The following ADAMTS18 variants were observed in gnomAD, a reference collection of about 807,000 sequenced individuals.
The protein encoded by ADAMTS18 is A disintegrin and metalloproteinase with thrombospondin motifs 18.
In ADAMTS18, 157 loss-of-function variants were observed where a neutral mutation model predicts 165.9. That is an observed-to-expected ratio of 0.95 (90% confidence interval 0.83 to 1.08). The LOEUF is 1.08. Among genes scored for constraint, ADAMTS18 ranks in the 50% least tolerant of loss-of-function variants. The probability of loss-of-function intolerance (pLI) is 0.00; values close to 1 mark genes in which losing one functional copy is unlikely to be tolerated. For synonymous variants in ADAMTS18, 782 were observed against 578.2 expected, an observed-to-expected ratio of 1.35 and a Z score of -5.06; for missense variants, 2,040 against 1,534.0, an observed-to-expected ratio of 1.33 and a Z score of -5.51.
chr16:77,386,633 C>T (rs942609984), intron 3 of ADAMTS18, among the ~76,000 whole-genome samples: 3 of 152,158 alleles, frequency 2.0e-5, no homozygotes, highest in Admixed American at 6.5e-5. Flanking sequence ...GAACATTTGA[C>T]TTTGTGACCC....
intron 16 of ADAMTS18, among the ~76,000 whole-genome samples, chr16:77,316,947 G>T (rs1046298905): frequency 6.6e-6 from 1 of 151,928 alleles, no homozygotes; most frequent in African/African-American, 2.4e-5. Context: ...GATTACAGGG[G>T]TGAGCCACCA....
chr16:77,319,719 A>G, intron 16 of ADAMTS18, 130 bp downstream of exon 16: 2 of 1,444,008 alleles, frequency 1.4e-6, no homozygotes, highest in Non-Finnish European at 1.9e-6. Context: ...CTGGGATTAC[A>G]GGCATGAGCC....
chr16:77,353,147 CA>C (rs1262557728), intron 10 of ADAMTS18, among the ~76,000 whole-genome samples: 36 of 152,144 alleles, frequency 2.4e-4, no homozygotes, highest in African/African-American at 8.4e-4. Context: ...GTAATACTGT[CA>C]GTAAAATGTC....
chr16:77,331,001 G>A (rs1174385371), intron 12 of ADAMTS18, among the ~76,000 whole-genome samples: 3 of 152,198 alleles, frequency 2.0e-5, no homozygotes, highest in Non-Finnish European at 4.4e-5. Flanking sequence ...GTTGTCTTGG[G>A]AGAGCCTATC....
At chr16:77,431,880 T>C in intron 2 of ADAMTS18, 1 of 527,594 alleles carries the variant, frequency 1.9e-6, no homozygotes, top group South Asian at 2.1e-5. Context: ...GTAACACCTC[T>C]CATTGTCTGG....
At position 77,289,379 on chromosome 16, in the gene ADAMTS18, G is replaced by C. The variant is rs772776171; in HGVS notation, c.3435C>G (p.Thr1145=). The C allele has an allele frequency of 9.9e-6, 16 of 1,613,968 alleles. No individual in the cohort carries two copies. The highest frequency in any genetic ancestry group is 1.3e-5 in the Non-Finnish European group (15 of 1,180,018). ...CTTGCTGAACACAGTGGACTGACCG[G>C]GTCTGGACCCCTCCCCCACAGGTGA... ...CTVTCGGGVQ[T]RSVHCVQQGR... Residue 1145 remains threonine, a synonymous_variant, in exon 22 of 23, where the codon ACC becomes ACG. Coordinates refer to ENST00000282849, the MANE Select transcript of ADAMTS18 (RefSeq NM_199355.4).
chr16:77,307,090 T>C (rs2144607695), intron 16 of ADAMTS18, among the ~76,000 whole-genome samples: 2 of 152,360 alleles, frequency 1.3e-5, no homozygotes, highest in South Asian at 4.1e-4. Context: ...GCATCTAATT[T>C]AAGAATACTT....
intron 22 of ADAMTS18, among the ~76,000 whole-genome samples, chr16:77,288,652 A>G (rs896485674): frequency 1.3e-5 from 2 of 152,180 alleles, no homozygotes; most frequent in Non-Finnish European, 2.9e-5. Flanking sequence ...TATATCTTCA[A>G]CAAACATGAA....
At chr16:77,312,538 G>T (rs188995522) in intron 16 of ADAMTS18, among the ~76,000 whole-genome samples, 1 of 151,940 alleles carries the variant, frequency 6.6e-6, no homozygotes, top group East Asian at 1.9e-4. Flanking sequence ...GCACTCGGCC[G>T]TCTCAAAAAA....
chr16:77,373,593 T>G (rs2056908014), intron 3 of ADAMTS18, among the ~76,000 whole-genome samples: 2 of 151,954 alleles, frequency 1.3e-5, no homozygotes, highest in African/African-American at 4.8e-5. Flanking sequence ...GGGATAAAAG[T>G]GTACAAATTG....
intron 12 of ADAMTS18, among the ~76,000 whole-genome samples, chr16:77,334,385 TTA>T (rs1221682928): frequency 2.8e-4 from 31 of 112,470 alleles, no homozygotes; most frequent in Admixed American, 1.5e-3. Flanking sequence ...AGTATATATA[TTA>T]TATATATACT....
At chr16:77,394,857 T>C (rs2057236048) in intron 3 of ADAMTS18, among the ~76,000 whole-genome samples, 1 of 152,210 alleles carries the variant, frequency 6.6e-6, no homozygotes. Context: ...ACAAGCTCCA[T>C]GGGTGAGCCA....
intron 12 of ADAMTS18, among the ~76,000 whole-genome samples, chr16:77,334,584 TAGTA>T (rs1288336680): frequency 8.9e-6 from 1 of 112,532 alleles, no homozygotes; most frequent in Non-Finnish European, 1.7e-5. Context: ...GTATATATTA[TAGTA>T]TATAGTATAT....
intron 3 of ADAMTS18, among the ~76,000 whole-genome samples, chr16:77,380,051 G>T (rs767550643): frequency 6.6e-6 from 1 of 152,266 alleles, no homozygotes; most frequent in East Asian, 1.9e-4. Flanking sequence ...TCTTGCTGCC[G>T]AGGTCCTCAG....
intron 13 of ADAMTS18, 141 bp from the exon 14 acceptor site, chr16:77,322,607 C>T: frequency 9.6e-7 from 1 of 1,046,334 alleles, no homozygotes; most frequent in Non-Finnish European, 1.4e-6. Flanking sequence ...ACATATAAGC[C>T]CATATGATGT....
In ADAMTS18 at chr16:77,296,854, T is replaced by TC. The variant is rs373286261; in HGVS notation, c.2801+434dup. Among the ~76,000 whole-genome samples the TC allele has an allele frequency of 4.9e-3, 748 of 152,304 alleles. 9 individuals are homozygous for TC. Among genetic ancestry groups the TC allele is most frequent in the African/African-American group, 0.017 (707 of 41,560 alleles). On this transcript the variant is annotated intron_variant, in intron 18 of 22. Transcript: ENST00000282849. ...CTCCAAAAAAAAAGAGGTCTTCATA[T>TC]CCCAAGCAAGCTTGCTTTTAAATAG...
chr16:77,290,205 G>A (rs978332015), intron 21 of ADAMTS18, among the ~76,000 whole-genome samples: 1 of 152,120 alleles, frequency 6.6e-6, no homozygotes, highest in Non-Finnish European at 1.5e-5. Flanking sequence ...CTTTAAAGGG[G>A]AAGATAGATA....
At chr16:77,294,248 C>G (rs916349687) in intron 19 of ADAMTS18, among the ~76,000 whole-genome samples, 5 of 152,098 alleles carry the variant, frequency 3.3e-5, no homozygotes, top group African/African-American at 1.2e-4. Context: ...GCACCACTGA[C>G]ATTTTGGATC....
chr16:77,301,561 C>T (rs937384013), intron 16 of ADAMTS18, among the ~76,000 whole-genome samples: 7 of 152,202 alleles, frequency 4.6e-5, no homozygotes, highest in African/African-American at 1.7e-4. Context: ...GGCATTCATG[C>T]CCAAGAGGCA....
Sources: allele counts gnomAD v4.1 joint callset (sites outside exome capture counted in the v4.1 genomes callset), GRCh38; gene constraint gnomAD v4.1.1; transcripts MANE v1.5; gene names NCBI Gene and HGNC (gene_info 2026-07-23, HGNC 2026-07-21).